CFAP95: variants seen among roughly 807,000 people sequenced by gnomAD.
CFAP95 encodes the protein cilia- and flagella-associated protein 95.
the CFAP95 span, among the ~76,000 whole-genome samples, chr9:69,830,075 CTG>C: frequency 3.9e-5 from 6 of 152,208 alleles, no homozygotes; most frequent in African/African-American, 1.2e-4. Context: ...CCAGGTCTTA[CTG>C]TGTTTCCCCT....
chr9:69,839,091 A>G, the CFAP95 span, among the ~76,000 whole-genome samples: 1 of 34,688 alleles, frequency 2.9e-5, no homozygotes, highest in Non-Finnish European at 6.3e-5. Context: ...AGCCCACTTG[A>G]TCATGGTGGA....
the CFAP95 span, among the ~76,000 whole-genome samples, chr9:69,822,264 C>A: frequency 6.6e-6 from 1 of 152,320 alleles, no homozygotes; most frequent in East Asian, 1.9e-4. Context: ...GATTTTGACT[C>A]TAGCCCTAAG....
the CFAP95 span, among the ~76,000 whole-genome samples, chr9:69,862,727 G>A: frequency 6.6e-6 from 1 of 152,160 alleles, no homozygotes; most frequent in Non-Finnish European, 1.5e-5. Context: ...ACATTAGGTT[G>A]ATGGACTTAC....
chr9:69,830,627 G>T, the CFAP95 span, among the ~76,000 whole-genome samples: 4 of 152,286 alleles, frequency 2.6e-5, no homozygotes, highest in South Asian at 8.3e-4. Flanking sequence ...CTTTGCAAAG[G>T]TTATGAATAA....
the CFAP95 span, among the ~76,000 whole-genome samples, chr9:69,895,704 G>A: frequency 6.6e-6 from 1 of 152,104 alleles, no homozygotes; most frequent in Non-Finnish European, 1.5e-5. Flanking sequence ...TAATTCTCAG[G>A]AAACGGATTG....
chr9:69,840,805 T>C, the CFAP95 span, among the ~76,000 whole-genome samples: 1 of 152,076 alleles, frequency 6.6e-6, no homozygotes, highest in Non-Finnish European at 1.5e-5. Flanking sequence ...GGGCTGTGAA[T>C]CTCTCAGAGC....
At chr9:69,843,772 C>G in the CFAP95 span, among the ~76,000 whole-genome samples, 1 of 150,904 alleles carries the variant, frequency 6.6e-6, no homozygotes, top group African/African-American at 2.4e-5. Flanking sequence ...TCCCGTGTAG[C>G]TGGGACTACA....
chr9:69,883,075 G>A, the CFAP95 span, among the ~76,000 whole-genome samples: 1 of 152,082 alleles, frequency 6.6e-6, no homozygotes, highest in African/African-American at 2.4e-5. Flanking sequence ...CTCATGTCCT[G>A]GGATTTTCTT....
the CFAP95 span, among the ~76,000 whole-genome samples, chr9:69,876,080 T>G: frequency 6.6e-6 from 1 of 152,220 alleles, no homozygotes; most frequent in Non-Finnish European, 1.5e-5. Context: ...ATATGCACCT[T>G]CAATTTTGCA....
At chr9:69,902,274 C>A in the CFAP95 span, 2 of 449,902 alleles carry the variant, frequency 4.4e-6, no homozygotes, top group Non-Finnish European at 8.9e-6. Context: ...TATCTTCCTC[C>A]TCTTCATTTC....
chr9:69,883,551 G>A, the CFAP95 span, among the ~76,000 whole-genome samples: 5 of 152,142 alleles, frequency 3.3e-5, no homozygotes, highest in Admixed American at 6.6e-5. Flanking sequence ...CCAAGATGGC[G>A]ACGCTCCTGC....
the CFAP95 span, among the ~76,000 whole-genome samples, chr9:69,829,038 T>C: frequency 6.6e-6 from 1 of 152,222 alleles, no homozygotes; most frequent in African/African-American, 2.4e-5. Context: ...TTTTAATTGT[T>C]AGTTTATGTT....
the CFAP95 span, among the ~76,000 whole-genome samples, chr9:69,860,380 C>T: frequency 1.3e-5 from 2 of 151,994 alleles, no homozygotes; most frequent in Non-Finnish European, 1.5e-5. Context: ...ACTACCAGAT[C>T]TCATGTGAAC....
chr9:69,895,547 A>G, the CFAP95 span, among the ~76,000 whole-genome samples: 2 of 152,086 alleles, frequency 1.3e-5, no homozygotes, highest in South Asian at 2.1e-4. Flanking sequence ...ATTTATGACC[A>G]AGTATCCTTT....
At chr9:69,841,802 T>C in the CFAP95 span, among the ~76,000 whole-genome samples, 3 of 152,110 alleles carry the variant, frequency 2.0e-5, no homozygotes, top group South Asian at 2.1e-4. Flanking sequence ...AGGGGAACTC[T>C]CCTTTATAAA....
the CFAP95 span, among the ~76,000 whole-genome samples, chr9:69,873,796 T>C: frequency 5.3e-5 from 8 of 152,158 alleles, no homozygotes; most frequent in Non-Finnish European, 1.0e-4. Flanking sequence ...CAGTTGATCT[T>C]TAAGGTTTCT....
the CFAP95 span, among the ~76,000 whole-genome samples, chr9:69,857,090 T>C: frequency 3.4e-4 from 52 of 152,286 alleles, no homozygotes; most frequent in African/African-American, 1.2e-3. Context: ...TTAGACGAAA[T>C]AAAGTATGAA....
chr9:69,858,255 C>A, the CFAP95 span: 2 of 428,616 alleles, frequency 4.7e-6, no homozygotes, highest in Non-Finnish European at 8.6e-6. Flanking sequence ...AGTCAATACT[C>A]GTGGTTCTGT....
chr9:69,824,267 G>A, the CFAP95 span, among the ~76,000 whole-genome samples: 1 of 152,186 alleles, frequency 6.6e-6, no homozygotes, highest in South Asian at 2.1e-4. Flanking sequence ...CAGCCCCACA[G>A]GAAACAGAAT....
Sources: allele counts gnomAD v4.1 joint callset (sites outside exome capture counted in the v4.1 genomes callset), GRCh38; gene constraint gnomAD v4.1.1; transcripts MANE v1.5; gene names NCBI Gene and HGNC (gene_info 2026-07-23, HGNC 2026-07-21).